Variants in NRG3 observed in about 807,000 individuals in gnomAD.
The protein encoded by NRG3 is pro-neuregulin-3, membrane-bound isoform.
In NRG3, 31 loss-of-function variants were observed where a neutral mutation model predicts 66.9. The observed-to-expected ratio is 0.46, with a 90% CI of 0.35 to 0.63. NRG3 has a LOEUF of 0.63. NRG3 is among the 20% of genes least tolerant of loss of function. The probability of loss-of-function intolerance (pLI) is 0.00; values close to 1 mark genes in which losing one functional copy is unlikely to be tolerated. For missense variants in NRG3, 910 were observed against 878.9 expected, an observed-to-expected ratio of 1.04 and a Z score of -0.45; for synonymous variants, 393 against 359.4, an observed-to-expected ratio of 1.09 and a Z score of -1.06.
At chr10:82,601,992 A>G (rs903432287) in intron 2 of NRG3, among the ~76,000 whole-genome samples, 2 of 150,490 alleles carry the variant, frequency 1.3e-5, no homozygotes, top group Non-Finnish European at 1.5e-5. Context: ...CAAAGATGGG[A>G]GGGTTGCTCA....
At chr10:82,259,155 A>C (rs2077889335) in intron 1 of NRG3, among the ~76,000 whole-genome samples, 1 of 152,122 alleles carries the variant, frequency 6.6e-6, no homozygotes, top group Admixed American at 6.5e-5. Context: ...CAGACAAATA[A>C]AACATCTGCC....
chr10:82,420,261 T>C (rs1200212155), intron 2 of NRG3, among the ~76,000 whole-genome samples: 1 of 152,142 alleles, frequency 6.6e-6, no homozygotes, highest in East Asian at 1.9e-4. Context: ...TGTGGCACAA[T>C]TTGAAACATT....
At chr10:82,610,462 A>T (rs568980576) in intron 2 of NRG3, among the ~76,000 whole-genome samples, 1 of 152,248 alleles carries the variant, frequency 6.6e-6, no homozygotes, top group African/African-American at 2.4e-5. Flanking sequence ...ATTATACTGG[A>T]TATACTGGTT....
chr10:82,550,932 G>A (rs1160737344), intron 2 of NRG3, among the ~76,000 whole-genome samples: 1 of 152,048 alleles, frequency 6.6e-6, no homozygotes, highest in Admixed American at 6.6e-5. Context: ...TCGGGTACTT[G>A]GTTTCAATCC....
intron 1 of NRG3, among the ~76,000 whole-genome samples, chr10:82,143,075 T>C (rs2069941087): frequency 6.6e-6 from 1 of 151,826 alleles, no homozygotes; most frequent in Non-Finnish European, 1.5e-5. Context: ...AGCCAAGATT[T>C]TCTTTTTTAA....
intron 2 of NRG3, among the ~76,000 whole-genome samples, chr10:82,462,146 A>AATAT: frequency 6.6e-6 from 1 of 152,206 alleles, no homozygotes; most frequent in South Asian, 2.1e-4. Context: ...TAAATAAATA[A>AATAT]ATAAATAAAT....
chr10:82,497,097 G>A (rs1359197615), intron 2 of NRG3, among the ~76,000 whole-genome samples: 6 of 152,084 alleles, frequency 3.9e-5, no homozygotes, highest in African/African-American at 1.4e-4. Flanking sequence ...TAACTCTGTT[G>A]AGTATATATC....
chr10:82,279,340 A>G (rs917221954), intron 1 of NRG3, among the ~76,000 whole-genome samples: 1 of 152,144 alleles, frequency 6.6e-6, no homozygotes, highest in Admixed American at 6.6e-5. Flanking sequence ...TCAAACTGGC[A>G]CTACTGCTGA....
At chr10:81,998,783 C>A (rs898554784) in intron 1 of NRG3, among the ~76,000 whole-genome samples, 8 of 152,154 alleles carry the variant, frequency 5.3e-5, no homozygotes, top group Admixed American at 4.6e-4. Context: ...TTAAGTAGGG[C>A]TTCCCTTTTA....
chr10:82,358,835 T>C lies in NRG3; in HGVS notation c.920T>C (p.Ile307Thr). 4.3e-6 allele frequency: 7 copies of C among 1,614,118 alleles called. No individual in the cohort carries two copies. Among genetic ancestry groups the C allele is most frequent in the Non-Finnish European group, 5.9e-6 (7 of 1,180,026 alleles). ...CTCAATGATGGCGAGTGCTTTGTGA[T>C]CGAAACCCTGACCGGATCCCATAAA... ...YCLNDGECFV[I>T]ETLTGSHKHC... The change falls in exon 2 of 9, where the codon ATC (isoleucine) becomes ACC (threonine). Residue 307 changes from isoleucine to threonine, a missense_variant. Transcript: ENST00000372141.
chr10:82,161,695 G>A (rs2071615336), intron 1 of NRG3, among the ~76,000 whole-genome samples: 1 of 152,014 alleles, frequency 6.6e-6, no homozygotes, highest in African/African-American at 2.4e-5. Flanking sequence ...TCAGTAACAG[G>A]TGCTGTTGTC....
At chr10:81,878,038 T>C (rs1213359597) in intron 1 of NRG3, 32 of 1,537,466 alleles carry the variant, frequency 2.1e-5, no homozygotes, top group Non-Finnish European at 2.6e-5. Flanking sequence ...TATTTCATGT[T>C]CTTTCTCAAT....
At chr10:82,667,009 A>G (rs1407303920) in intron 2 of NRG3, among the ~76,000 whole-genome samples, 1 of 152,174 alleles carries the variant, frequency 6.6e-6, no homozygotes, top group African/African-American at 2.4e-5. Flanking sequence ...TGGGAGTTTG[A>G]ACAGCACCTG....
chr10:82,437,061 T>C (rs1442713314), intron 2 of NRG3, among the ~76,000 whole-genome samples: 1 of 152,174 alleles, frequency 6.6e-6, no homozygotes, highest in Non-Finnish European at 1.5e-5. Flanking sequence ...TCTCTGTATT[T>C]CCTGAATTTT....
intron 3 of NRG3, among the ~76,000 whole-genome samples, chr10:82,785,261 G>T (rs1163163948): frequency 6.6e-6 from 1 of 151,650 alleles, no homozygotes; most frequent in East Asian, 1.9e-4. Flanking sequence ...GCTAAATGAC[G>T]AGTTAATGGG....
chr10:82,655,380 AACAATAGG>A (rs2051757835), intron 2 of NRG3, among the ~76,000 whole-genome samples: 1 of 152,158 alleles, frequency 6.6e-6, no homozygotes, highest in African/African-American at 2.4e-5. Flanking sequence ...GATCAATAAA[AACAATAGG>A]ATATTTTTAA....
Position 82,948,294 on chromosome 10 carries a change from A to G in NRG3, c.1055-3175A>G, listed in dbSNP as rs868622725. Among the ~76,000 whole-genome samples, 39 of 152,236 alleles carry G rather than the reference A, an allele frequency of 2.6e-4. No homozygotes were observed. The Middle Eastern group carries it at 0.01, about 40-fold the overall frequency. On this transcript the variant is annotated intron_variant, in intron 4 of 8. Transcript: ENST00000372141. The stretch of plus-strand genomic sequence containing the variant: ...TTATTTATTTGTCTATAATTAGGCC[A>G]ATACCATATGCCTTGATTACTACAG...
chr10:82,927,043 C>G (rs1198558605), intron 4 of NRG3, among the ~76,000 whole-genome samples: 1 of 152,172 alleles, frequency 6.6e-6, no homozygotes, highest in African/African-American at 2.4e-5. Context: ...TTGAGCAGAG[C>G]TTTTCCACCT....
intron 2 of NRG3, among the ~76,000 whole-genome samples, chr10:82,472,965 G>C (rs1032291810): frequency 4.6e-5 from 7 of 152,300 alleles, no homozygotes; most frequent in Admixed American, 4.6e-4. Context: ...GACATTGTAG[G>C]AAAGTGGTGC....
Sources: gnomAD v4.1 joint callset for allele counts (sites outside exome capture counted in the v4.1 genomes callset) on GRCh38, gnomAD v4.1.1 for gene constraint, MANE v1.5 for transcripts, NCBI Gene and HGNC (gene_info 2026-07-23, HGNC 2026-07-21) for gene names.